ERAP1: variants seen among roughly 807,000 people sequenced by gnomAD.
The protein encoded by ERAP1 is endoplasmic reticulum aminopeptidase 1, also known as adipocyte-derived leucine aminopeptidase.
ERAP1 carries 86 observed loss-of-function variants against 103.7 expected under a neutral mutation model. The observed-to-expected ratio is 0.83, with a 90% CI of 0.70 to 0.99. The LOEUF is 0.99. Ranked by LOEUF, ERAP1 falls within the 50% of genes least tolerant of loss-of-function variation. The pLI, the probability that ERAP1 is intolerant of heterozygous loss-of-function variation, is 0.00. For missense variants in ERAP1, 1,009 were observed against 1,128.4 expected, an observed-to-expected ratio of 0.89 and a Z score of 1.52; for synonymous variants, 398 against 402.4, an observed-to-expected ratio of 0.99 and a Z score of 0.13.
chr5:96,877,636 T>A, the ERAP1 span, among the ~76,000 whole-genome samples: 1 of 152,190 alleles, frequency 6.6e-6, no homozygotes. Flanking sequence ...AGTAAAAAAC[T>A]TTGCCCATGA....
upstream of ERAP1, among the ~76,000 whole-genome samples, chr5:96,812,423 T>C (rs1201585886): frequency 6.6e-6 from 1 of 152,248 alleles, no homozygotes; most frequent in Non-Finnish European, 1.5e-5. Context: ...TTAGGAGGCT[T>C]TATTTTATTT....
intron 18 of ERAP1, chr5:96,776,891 C>A: frequency 4.2e-6 from 1 of 240,014 alleles, no homozygotes. Context: ...TTTTTAAAAA[C>A]ATGATATCTA....
At chr5:96,874,136 GAGAAAGAAAGAA>G in the ERAP1 span, among the ~76,000 whole-genome samples, 76 of 118,886 alleles carry the variant, frequency 6.4e-4, no homozygotes, top group African/African-American at 1.3e-3. Context: ...GAAAGAGAGA[GAGAAAGAAAGAA>G]AGAAAGAAAG....
At chr5:96,827,927 G>C in the ERAP1 span, among the ~76,000 whole-genome samples, 2 of 152,166 alleles carry the variant, frequency 1.3e-5, no homozygotes, top group Non-Finnish European at 2.9e-5. Context: ...TCTTCTACTA[G>C]ACCAATTTAA....
chr5:96,770,042 T>C (rs1475838132), downstream of ERAP1: 1 of 155,642 alleles, frequency 6.4e-6, no homozygotes, highest in African/African-American at 2.4e-5. Flanking sequence ...TGCAGATATC[T>C]TTATAAGGTG....
Position 96,803,770 on chromosome 5 carries a change from G to A in ERAP1, c.157C>T (p.Arg53Ter), listed in dbSNP as rs374618075. 344 of 1,614,062 alleles carry A rather than the reference G, an allele frequency of 2.1e-4. No individual in the cohort carries two copies. The highest frequency in any genetic ancestry group is 3.2e-4 in the Admixed American group (19 of 60,006). ...DGTPFPWNKI[R>*]LPEYVIPVHY... Reference sequence around the variant, plus strand: ...ACTGGGATGACGTACTCAGGAAGTCGTATTTTATTCCAAGGAAATGGTGTC... The same window carrying A: ...ACTGGGATGACGTACTCAGGAAGTCATATTTTATTCCAAGGAAATGGTGTC... The change falls in exon 2 of 19, where the codon CGA becomes TGA. Residue 53 changes from arginine to a stop codon, truncating the protein, a stop_gained. Transcript: ENST00000443439. LOFTEE classifies it high-confidence loss of function.
the ERAP1 span, among the ~76,000 whole-genome samples, chr5:96,827,375 A>T: frequency 2.6e-5 from 4 of 152,352 alleles, no homozygotes; most frequent in Middle Eastern, 6.8e-3. Flanking sequence ...AGAAATAAAA[A>T]TATAGGCTGG....
At chr5:96,915,047 G>A in the ERAP1 span, among the ~76,000 whole-genome samples, 2 of 151,234 alleles carry the variant, frequency 1.3e-5, no homozygotes, top group Admixed American at 1.3e-4. Context: ...CATTCTCGTT[G>A]CCCAGGCTGG....
At chr5:96,767,004 C>T (rs1270369662) in intron 19 of ERAP1, among the ~76,000 whole-genome samples, 1 of 152,178 alleles carries the variant, frequency 6.6e-6, no homozygotes, top group East Asian at 1.9e-4. Context: ...TACCAACTCA[C>T]CCTGCTTGCG....
At chr5:96,818,824 A>G in the ERAP1 span, among the ~76,000 whole-genome samples, 1 of 152,166 alleles carries the variant, frequency 6.6e-6, no homozygotes, top group Non-Finnish European at 1.5e-5. Context: ...TCCATGAGAA[A>G]AGTGACATTT....
At chr5:96,768,080 GATCT>G (rs1188012275) in intron 19 of ERAP1, 10 of 927,494 alleles carry the variant, frequency 1.1e-5, no homozygotes, top group Admixed American at 5.6e-5. Flanking sequence ...TTTATTGATT[GATCT>G]ATCTATCGGT....
the ERAP1 span, among the ~76,000 whole-genome samples, chr5:96,913,986 G>C: frequency 6.6e-6 from 1 of 152,152 alleles, no homozygotes; most frequent in East Asian, 1.9e-4. Context: ...AATTGTTTTG[G>C]TTCTGAGTCT....
the ERAP1 span, among the ~76,000 whole-genome samples, chr5:96,846,224 A>T: frequency 6.6e-6 from 1 of 152,152 alleles, no homozygotes. Flanking sequence ...GAGGCCCATG[A>T]TCTATCCTAC....
intron 19 of ERAP1, chr5:96,768,050 G>A (rs368732799): frequency 1.8e-5 from 20 of 1,099,612 alleles, no homozygotes; most frequent in Middle Eastern, 2.0e-4. Context: ...GTGTGTATGT[G>A]TACATACATA....
the ERAP1 span, among the ~76,000 whole-genome samples, chr5:96,891,396 T>TAC: frequency 4.0e-5 from 6 of 149,766 alleles, no homozygotes; most frequent in African/African-American, 7.4e-5. Flanking sequence ...TGTGTATACA[T>TAC]ACACACACAC....
the ERAP1 span, chr5:96,896,552 T>C: frequency 6.3e-7 from 1 of 1,591,730 alleles, no homozygotes; most frequent in Middle Eastern, 1.7e-4. Flanking sequence ...AGAAGTGTAA[T>C]AATGACTATA....
chr5:96,860,723 G>A, the ERAP1 span, among the ~76,000 whole-genome samples: 10 of 152,200 alleles, frequency 6.6e-5, no homozygotes, highest in South Asian at 2.1e-3. Context: ...CAGGGGAGTG[G>A]AATAAAAGGG....
chr5:96,793,949 C>G lies in ERAP1; in HGVS notation c.928G>C (p.Ala310Pro), dbSNP rs746259362. The change falls in exon 6 of 19, where the codon GCT becomes CCT. Residue 310 changes from alanine (A) to proline (P), a missense_variant. Ala to Pro is a conservative substitution (Grantham distance 27). This residue lies in a region of ERAP1 where 392 missense variants were observed against 455.2 expected (regional missense o/e 0.86). Transcript: ENST00000443439. ...GCACCAGACTGAAAGTCGGGAATAG[C>G]AGCAAGATCTTGGGAAGGAAGTAAT... ...PYPLPKQDLAAIPDFQSGAME... is the reference protein window; with the variant it reads ...PYPLPKQDLAPIPDFQSGAME... 2 of 1,614,070 alleles carry G rather than the reference C, an allele frequency of 1.2e-6. No homozygotes were observed. Among genetic ancestry groups the G allele is most frequent in the Non-Finnish European group, 8.5e-7 (1 of 1,179,960 alleles).
chr5:96,797,389 C>T, intron 3 of ERAP1, 80 bp from the exon 4 acceptor site: 1 of 1,487,382 alleles, frequency 6.7e-7, no homozygotes, highest in South Asian at 1.1e-5. Flanking sequence ...AATTATCAGA[C>T]ATAATATTAA....
Sources: allele counts gnomAD v4.1 joint callset (sites outside exome capture counted in the v4.1 genomes callset), GRCh38; gene constraint gnomAD v4.1.1; regional missense constraint gnomAD v4.1.1; transcripts MANE v1.5; gene names NCBI Gene and HGNC (gene_info 2026-07-23, HGNC 2026-07-21).